LRMDA: variants seen among roughly 807,000 people sequenced by gnomAD.
The protein encoded by LRMDA is leucine-rich melanocyte differentiation-associated protein.
In LRMDA, 18 loss-of-function variants were observed where a neutral mutation model predicts 29.8. The observed-to-expected ratio is 0.60, with a 90% CI of 0.42 to 0.90. The LOEUF (loss-of-function observed/expected upper bound fraction) is 0.90, where lower values mean the gene tolerates loss of function less well. LRMDA is among the 40% of genes least tolerant of loss of function. LRMDA has a pLI of 0.00. For synonymous variants in LRMDA, 125 were observed against 109.4 expected, an observed-to-expected ratio of 1.14 and a Z score of -0.89; for missense variants, 273 against 273.9, an observed-to-expected ratio of 1.00 and a Z score of 0.02.
chr10:76,518,225 T>C (rs1228826380), intron 6 of LRMDA, among the ~76,000 whole-genome samples: 1 of 152,010 alleles, frequency 6.6e-6, no homozygotes, highest in East Asian at 1.9e-4. Flanking sequence ...AATATCTATC[T>C]ATATATCTGT....
At chr10:76,037,786 A>T (rs1425771334) in intron 3 of LRMDA, among the ~76,000 whole-genome samples, 1 of 152,230 alleles carries the variant, frequency 6.6e-6, no homozygotes, top group Admixed American at 6.5e-5. Context: ...TCATCTCCAC[A>T]TACCATCATT....
rs1332138260 is a variant in LRMDA at position 76,473,367 on chromosome 10, C to T, written c.602-83842C>T. On this transcript the variant is annotated intron_variant, in intron 6 of 6. Coordinates refer to ENST00000611255, the MANE Select transcript of LRMDA (RefSeq NM_001305581.2). ...AACTAGGAAAAGAAAGCTTCCCCAA[C>T]GCGATAAAGGACATCTGTGAAAAAC... Among the ~76,000 whole-genome samples, 5 of 151,458 alleles carry T rather than the reference C, an allele frequency of 3.3e-5. No individual in the cohort carries two copies. The East Asian group carries it at 5.8e-4, about 18-fold the overall frequency.
intron 2 of LRMDA, chr10:75,642,740 A>G (rs1220996393): frequency 6.6e-6 from 1 of 152,194 alleles, no homozygotes; most frequent in African/African-American, 2.4e-5. Context: ...TGTGAAAGTC[A>G]CACCAGAAGG....
chr10:76,315,615 CAG>C (rs1840684341), intron 5 of LRMDA, among the ~76,000 whole-genome samples: 1 of 151,904 alleles, frequency 6.6e-6, no homozygotes, highest in Non-Finnish European at 1.5e-5. Context: ...CAGGAAGCAG[CAG>C]CCCAGGGGGT....
chr10:75,465,571 G>A (rs1844639551), intron 2 of LRMDA, among the ~76,000 whole-genome samples: 1 of 152,148 alleles, frequency 6.6e-6, no homozygotes, highest in African/African-American at 2.4e-5. Context: ...ACATGTCGGT[G>A]GTAATGACTG....
rs548925147 is a variant in LRMDA at position 75,483,867 on chromosome 10, G to GTTT, written c.131+45383_131+45385dup. Reference sequence around the variant, plus strand: ...TAATTGCATTGGCTAGTATGGAGAGGTTTTTTTTTTTTAATGATTTTTCAG... The same window carrying GTTT: ...TAATTGCATTGGCTAGTATGGAGAGGTTTTTTTTTTTTTTTAATGATTTTTCAG... On this transcript the variant is annotated intron_variant, in intron 2 of 6. Transcript: ENST00000611255. 3.4e-5 allele frequency among the ~76,000 whole-genome samples: 4 copies of GTTT among 119,140 alleles called. 1 individual carries two copies. The highest frequency in any genetic ancestry group is 6.0e-5 in the African/African-American group (2 of 33,154). 78.2% of individuals were successfully genotyped at this position (119,140 alleles called of 152,430 possible).
chr10:76,472,851 AATTG>A (rs774667221), intron 6 of LRMDA, among the ~76,000 whole-genome samples: 1 of 151,556 alleles, frequency 6.6e-6, no homozygotes, highest in Non-Finnish European at 1.5e-5. Context: ...ATAGAAAGTT[AATTG>A]ATTGAGTTTG....
intron 6 of LRMDA, among the ~76,000 whole-genome samples, chr10:76,530,271 A>T (rs543541211): frequency 1.3e-5 from 2 of 152,186 alleles, no homozygotes; most frequent in Non-Finnish European, 2.9e-5. Context: ...AACAAACCAC[A>T]GGTTGTGATA....
intron 6 of LRMDA, among the ~76,000 whole-genome samples, chr10:76,386,939 A>G (rs1412082908): frequency 6.6e-6 from 1 of 152,160 alleles, no homozygotes; most frequent in Non-Finnish European, 1.5e-5. Context: ...AGTAAACATA[A>G]AAAGCTCAAA....
At chr10:76,521,508 A>G (rs753468838) in intron 6 of LRMDA, among the ~76,000 whole-genome samples, 1 of 152,230 alleles carries the variant, frequency 6.6e-6, no homozygotes, top group Non-Finnish European at 1.5e-5. Flanking sequence ...TCTTTGCTTT[A>G]CTACCTGTCC....
chr10:75,563,435 A>T (rs930720217), intron 2 of LRMDA, among the ~76,000 whole-genome samples: 9 of 151,802 alleles, frequency 5.9e-5, no homozygotes, highest in African/African-American at 2.2e-4. Context: ...ATTTGTCTAA[A>T]TTTTTTTCAA....
chr10:76,348,666 T>C (rs1841138372), intron 6 of LRMDA, among the ~76,000 whole-genome samples: 2 of 152,192 alleles, frequency 1.3e-5, no homozygotes, highest in Admixed American at 1.3e-4. Flanking sequence ...CATGTCAGGC[T>C]CTCAATGGTT....
Position 76,307,926 on chromosome 10 carries a change from A to G in LRMDA, c.517-16475A>G, listed in dbSNP as rs190632975. Among the ~76,000 whole-genome samples the G allele has an allele frequency of 3.1e-3, 470 of 152,322 alleles. 3 individuals are homozygous for G. The highest frequency in any genetic ancestry group is 0.011 in the African/African-American group (440 of 41,570). On this transcript the variant is annotated intron_variant, in intron 5 of 6. Coordinates refer to ENST00000611255, the MANE Select transcript of LRMDA (RefSeq NM_001305581.2). ...CTTAAAGCACTTTGAGGTGGATTTCATGACTTACCATCAAAAGGATAATCT... is the reference window on the plus strand; with the variant it reads ...CTTAAAGCACTTTGAGGTGGATTTCGTGACTTACCATCAAAAGGATAATCT...
At chr10:75,977,540 C>T (rs1405407580) in intron 2 of LRMDA, among the ~76,000 whole-genome samples, 1 of 152,124 alleles carries the variant, frequency 6.6e-6, no homozygotes, top group Non-Finnish European at 1.5e-5. Context: ...TTTCCACACG[C>T]AAAATAAATA....
intron 2 of LRMDA, among the ~76,000 whole-genome samples, chr10:75,925,741 C>T (rs1364305737): frequency 6.7e-6 from 1 of 148,692 alleles, no homozygotes; most frequent in Non-Finnish European, 1.5e-5. Flanking sequence ...CAGCCTCTGC[C>T]TCCTGGGTTC....
chr10:75,760,582 C>A (rs1370455020), intron 2 of LRMDA, among the ~76,000 whole-genome samples: 1 of 152,120 alleles, frequency 6.6e-6, no homozygotes, highest in Non-Finnish European at 1.5e-5. Flanking sequence ...CTTCCATCAC[C>A]ACCACCACCC....
chr10:76,494,792 T>A (rs1842866464), intron 6 of LRMDA, among the ~76,000 whole-genome samples: 1 of 151,952 alleles, frequency 6.6e-6, no homozygotes, highest in Admixed American at 6.6e-5. Flanking sequence ...AATTTTGGTA[T>A]GTTGTATTTT....
chr10:75,846,190 TGTGTGTG>T (rs2132305936), intron 2 of LRMDA, among the ~76,000 whole-genome samples: 1 of 151,416 alleles, frequency 6.6e-6, no homozygotes, highest in African/African-American at 2.4e-5. Context: ...TGTGTGTGTG[TGTGTGTG>T]TGTGTGTGTG....
In LRMDA at chr10:75,741,214, G is replaced by A. The variant is rs537303174; in HGVS notation, c.132-294794G>A. Among the ~76,000 whole-genome samples, 48 of 152,290 alleles carry A rather than the reference G, an allele frequency of 3.2e-4. No individual in the cohort carries two copies. In the South Asian group the frequency reaches 9.5e-3, roughly 30 times the overall value. ...TATTTCTTTCTGGAGGCTCTGGCAA[G>A]AACCCACTTCCAGGCTCTGTCATGT... On this transcript the variant is annotated intron_variant, in intron 2 of 6. Transcript: ENST00000611255.
Sources: gnomAD v4.1 joint callset for allele counts (sites outside exome capture counted in the v4.1 genomes callset) on GRCh38, gnomAD v4.1.1 for gene constraint, MANE v1.5 for transcripts, NCBI Gene and HGNC (gene_info 2026-07-23, HGNC 2026-07-21) for gene names.